MICU3: variants seen among roughly 807,000 people sequenced by gnomAD.
The protein encoded by MICU3 is mitochondrial calcium uptake 3, also known as calcium uptake protein 3, mitochondrial.
Under a neutral mutation model 66.5 loss-of-function variants are expected in MICU3, and 62 were observed. The observed-to-expected ratio is 0.93, with a 90% CI of 0.76 to 1.15. The LOEUF (loss-of-function observed/expected upper bound fraction) is 1.15. Ranked by LOEUF, MICU3 falls within the 50% of genes most tolerant of loss-of-function variation. The probability of loss-of-function intolerance (pLI) is 0.00; values close to 1 mark genes in which losing one functional copy is unlikely to be tolerated. For synonymous variants in MICU3, 308 were observed against 240.7 expected, an observed-to-expected ratio of 1.28 and a Z score of -2.59; for missense variants, 779 against 664.4, an observed-to-expected ratio of 1.17 and a Z score of -1.90.
chr8:17,063,174 A>G (rs1443557346), intron 1 of MICU3, among the ~76,000 whole-genome samples: 1 of 152,164 alleles, frequency 6.6e-6, no homozygotes, highest in Non-Finnish European at 1.5e-5. Context: ...TGCCAAAAGA[A>G]AGCAAAAACA....
At chr8:17,041,155 T>C (rs2705174) in intron 1 of MICU3, among the ~76,000 whole-genome samples, 2 of 151,920 alleles carry the variant, frequency 1.3e-5, no homozygotes, top group East Asian at 1.9e-4. Flanking sequence ...GTTCAGAATA[T>C]GTAGAATGAG....
chr8:17,037,210 C>G (rs1243329209), intron 1 of MICU3, among the ~76,000 whole-genome samples: 1 of 152,230 alleles, frequency 6.6e-6, no homozygotes, highest in African/African-American at 2.4e-5. Context: ...CTCCATACCT[C>G]CCTGCAAGCT....
At chr8:17,051,540 G>A (rs1379654241) in intron 1 of MICU3, among the ~76,000 whole-genome samples, 2 of 152,348 alleles carry the variant, frequency 1.3e-5, no homozygotes, top group South Asian at 2.1e-4. Flanking sequence ...TGGCCCTAGG[G>A]CAGTGTAGTT....
At chr8:17,100,741 C>G (rs991618445) in intron 9 of MICU3, among the ~76,000 whole-genome samples, 5 of 151,784 alleles carry the variant, frequency 3.3e-5, no homozygotes, top group African/African-American at 1.2e-4. Flanking sequence ...AACTCCGTGT[C>G]TCCAATTACT....
At chr8:17,037,154 G>A (rs1425436523) in intron 1 of MICU3, among the ~76,000 whole-genome samples, 1 of 152,166 alleles carries the variant, frequency 6.6e-6, no homozygotes. Flanking sequence ...ACTCCAGCTG[G>A]CCCACAAGCG....
chr8:17,037,114 C>T (rs908035564), intron 1 of MICU3, among the ~76,000 whole-genome samples: 51 of 152,278 alleles, frequency 3.3e-4, no homozygotes, highest in Middle Eastern at 3.4e-3. Flanking sequence ...GCTCCGACTG[C>T]GGGGCCTGCC....
Position 17,121,160 on chromosome 8 carries a change from G to A in MICU3, c.*873G>A, listed in dbSNP as rs1229287000. 6.6e-6 allele frequency: 1 copy of A among 151,784 alleles called. No individual in the cohort carries two copies. The allele number at this position is 151,784 out of a possible 1,614,324, so 9.4% of individuals were successfully genotyped here. Reference sequence around the variant, plus strand: ...TAGTAAAAATAACGTCTTACACTCTGTAACTTACTGCATATTGTTAATGTA... The same window carrying A: ...TAGTAAAAATAACGTCTTACACTCTATAACTTACTGCATATTGTTAATGTA... On this transcript the variant is annotated 3_prime_UTR_variant, in exon 15 of 15. Coordinates refer to ENST00000318063, the MANE Select transcript of MICU3 (RefSeq NM_181723.3).
At chr8:17,129,467 C>A in the MICU3 span, among the ~76,000 whole-genome samples, 1 of 151,940 alleles carries the variant, frequency 6.6e-6, no homozygotes, top group Admixed American at 6.6e-5. Flanking sequence ...CTATAAAAAC[C>A]AAATGAAAAT....
At chr8:17,095,533 G>C (rs1276017247) in intron 8 of MICU3, among the ~76,000 whole-genome samples, 1 of 151,828 alleles carries the variant, frequency 6.6e-6, no homozygotes, top group African/African-American at 2.4e-5. Flanking sequence ...TTTACTATCT[G>C]TTCCTATGGG....
the MICU3 span, among the ~76,000 whole-genome samples, chr8:17,135,813 A>G: frequency 1.3e-5 from 2 of 152,140 alleles, no homozygotes; most frequent in African/African-American, 2.4e-5. Flanking sequence ...GAATCATCTC[A>G]AATGCCTTTC....
At chr8:17,043,185 C>T (rs1293515941) in intron 1 of MICU3, among the ~76,000 whole-genome samples, 9 of 151,788 alleles carry the variant, frequency 5.9e-5, no homozygotes, top group East Asian at 1.9e-4. Context: ...GTGATCCGCC[C>T]GCCTCGGCCT....
intron 7 of MICU3, among the ~76,000 whole-genome samples, 191 bp from the exon 8 acceptor site, chr8:17,090,354 AT>A (rs1171123048): frequency 6.6e-6 from 1 of 152,100 alleles, no homozygotes; most frequent in East Asian, 1.9e-4. Flanking sequence ...ATTATCTGAG[AT>A]TTTTAAAACT....
At chr8:17,066,115 A>G (rs574643864) in intron 2 of MICU3, among the ~76,000 whole-genome samples, 103 of 151,988 alleles carry the variant, frequency 6.8e-4, no homozygotes, top group Non-Finnish European at 1.0e-3. Flanking sequence ...GATAAGTGTT[A>G]TATCCTTTTT....
chr8:17,084,282 A>G (rs1360243734), intron 5 of MICU3, among the ~76,000 whole-genome samples: 1 of 152,032 alleles, frequency 6.6e-6, no homozygotes, highest in African/African-American at 2.4e-5. Flanking sequence ...GTTATTAGAG[A>G]TGTTGTAAAT....
chr8:17,056,431 T>C (rs1423504476), intron 1 of MICU3, among the ~76,000 whole-genome samples: 1 of 152,220 alleles, frequency 6.6e-6, no homozygotes, highest in African/African-American at 2.4e-5. Flanking sequence ...TGCCTGCTCC[T>C]GCAGTCCTCC....
At chr8:17,116,768 G>A (rs759447812) in intron 13 of MICU3, among the ~76,000 whole-genome samples, 168 bp downstream of exon 13, 1 of 152,030 alleles carries the variant, frequency 6.6e-6, no homozygotes, top group Non-Finnish European at 1.5e-5. Context: ...ACAATTTGAG[G>A]TGATAAAAGA....
chr8:17,136,355 A>G, the MICU3 span, among the ~76,000 whole-genome samples: 2 of 152,080 alleles, frequency 1.3e-5, no homozygotes, highest in African/African-American at 4.8e-5. Flanking sequence ...GCTTATACCT[A>G]TCTCCTTGGG....
the MICU3 span, among the ~76,000 whole-genome samples, chr8:17,130,352 C>T: frequency 3.3e-5 from 5 of 151,938 alleles, no homozygotes; most frequent in African/African-American, 4.8e-5. Flanking sequence ...GGTAAAACCC[C>T]ATCTCTACAA....
chr8:17,133,441 T>C, the MICU3 span, among the ~76,000 whole-genome samples: 3 of 152,218 alleles, frequency 2.0e-5, no homozygotes, highest in African/African-American at 7.2e-5. Context: ...ATATAGATCA[T>C]TTGGCTGTCC....
Sources: allele counts gnomAD v4.1 joint callset (sites outside exome capture counted in the v4.1 genomes callset), GRCh38; gene constraint gnomAD v4.1.1; transcripts MANE v1.5; gene names NCBI Gene and HGNC (gene_info 2026-07-23, HGNC 2026-07-21).